The following UBP1 variants were observed in gnomAD, a reference collection of about 807,000 sequenced individuals.
UBP1 encodes upstream-binding protein 1.
Under a neutral mutation model 76.1 loss-of-function variants are expected in UBP1, and 22 were observed. The observed-to-expected ratio is 0.29, with a 90% confidence interval of 0.21 to 0.41. The LOEUF is 0.41. UBP1 is among the 10% of genes least tolerant of loss of function. The probability of loss-of-function intolerance (pLI) is 1.00; values close to 1 mark genes in which losing one functional copy is unlikely to be tolerated. For missense variants in UBP1, 436 were observed against 668.1 expected, an observed-to-expected ratio of 0.65 and a Z score of 3.83; for synonymous variants, 224 against 237.1, an observed-to-expected ratio of 0.94 and a Z score of 0.51.
intron 3 of UBP1, among the ~76,000 whole-genome samples, chr3:33,415,584 C>T (rs1407270924): frequency 6.6e-6 from 1 of 152,082 alleles, no homozygotes; most frequent in Non-Finnish European, 1.5e-5. Flanking sequence ...ATTCTCTTTA[C>T]TTCTGGGTAT....
At chr3:33,429,302 T>C (rs1371560185) in intron 1 of UBP1, among the ~76,000 whole-genome samples, 2 of 152,312 alleles carry the variant, frequency 1.3e-5, no homozygotes, top group African/African-American at 2.4e-5. Flanking sequence ...AACAGACTTT[T>C]GAGTACTAAA....
chr3:33,399,765 C>T (rs1017372649), intron 11 of UBP1, among the ~76,000 whole-genome samples: 8 of 152,124 alleles, frequency 5.3e-5, no homozygotes, highest in East Asian at 1.9e-4. Flanking sequence ...CCATAACATA[C>T]GTTGTGCCAA....
intron 1 of UBP1, among the ~76,000 whole-genome samples, chr3:33,436,494 G>A (rs992018119): frequency 6.6e-6 from 1 of 152,090 alleles, no homozygotes; most frequent in Admixed American, 6.5e-5. Flanking sequence ...ATACCACAGC[G>A]AAGTTTAACA....
chr3:33,434,626 A>C (rs549414063), intron 1 of UBP1, among the ~76,000 whole-genome samples: 1 of 151,602 alleles, frequency 6.6e-6, no homozygotes, highest in South Asian at 2.1e-4. Flanking sequence ...GCTATGGCCT[A>C]AGAGCTAAAT....
At chr3:33,415,108 C>T (rs745676565) in intron 3 of UBP1, among the ~76,000 whole-genome samples, 3 of 152,182 alleles carry the variant, frequency 2.0e-5, no homozygotes, top group Non-Finnish European at 2.9e-5. Flanking sequence ...ACCCTGCCAT[C>T]CCAAGTTAAT....
chr3:33,391,719 A>G (rs2043771864), intron 15 of UBP1: 1 of 152,242 alleles, frequency 6.6e-6, no homozygotes, highest in African/African-American at 2.4e-5. Flanking sequence ...GTAAGATACC[A>G]TCACCTTTCA....
At chr3:33,408,316 T>A (rs957471597) in intron 8 of UBP1, among the ~76,000 whole-genome samples, 1 of 152,050 alleles carries the variant, frequency 6.6e-6, no homozygotes, top group African/African-American at 2.4e-5. Flanking sequence ...ACAAAAATAA[T>A]AGCTAATTTA....
Position 33,408,799 on chromosome 3 carries a change from TG to T in UBP1, c.820-3del. 1 of 1,612,238 alleles carries T rather than the reference TG, an allele frequency of 6.2e-7. No homozygotes were observed. Among genetic ancestry groups the T allele is most frequent in the Non-Finnish European group, 8.5e-7 (1 of 1,178,664 alleles). On this transcript the variant is annotated splice_region_variant and splice_polypyrimidine_tract_variant and intron_variant, in intron 7 of 15. Transcript: ENST00000283629. ...TTCAATTATAGGCTCAAGCCTCATC[TG>T]GACAAACACCAAAGATTGGGATCAA...
intron 1 of UBP1, among the ~76,000 whole-genome samples, chr3:33,434,303 T>TC (rs1553680564): frequency 1.4e-5 from 2 of 142,670 alleles, no homozygotes; most frequent in African/African-American, 5.2e-5. Flanking sequence ...TTTTTTTTTT[T>TC]TTTTTTTTTT....
intron 8 of UBP1, among the ~76,000 whole-genome samples, chr3:33,406,465 A>C (rs2044430876): frequency 6.6e-6 from 1 of 152,196 alleles, no homozygotes; most frequent in Non-Finnish European, 1.5e-5. Context: ...AGCATAACAT[A>C]CATGTATAAA....
chr3:33,411,383 TATC>T (rs1314964282), intron 5 of UBP1, among the ~76,000 whole-genome samples, 195 bp downstream of exon 5: 2 of 152,216 alleles, frequency 1.3e-5, no homozygotes, highest in Non-Finnish European at 2.9e-5. Flanking sequence ...ATGCTTTACA[TATC>T]ATAGAATGTC....
chr3:33,437,711 C>A (rs1187423485), intron 1 of UBP1, among the ~76,000 whole-genome samples: 1 of 152,184 alleles, frequency 6.6e-6, no homozygotes, highest in East Asian at 1.9e-4. Context: ...ACTGAATGCT[C>A]AAGCTGGCCA....
rs141201536 is a variant in UBP1, at chr3:33,392,806, T to C, written c.1534-192A>G. On this transcript the variant is annotated intron_variant, in intron 14 of 15. Transcript: ENST00000283629. Reference sequence around the variant, plus strand: ...GCCTTGTGTTCACTATGCCTGTCCATAATGGTCCCTGAGAGACCTGGTCAG... The same window carrying C: ...GCCTTGTGTTCACTATGCCTGTCCACAATGGTCCCTGAGAGACCTGGTCAG... 12 of 533,858 alleles carry C rather than the reference T, an allele frequency of 2.2e-5. 1 individual carries two copies. Among genetic ancestry groups the C allele is most frequent in the African/African-American group, 1.4e-4 (7 of 51,058 alleles). 33.1% of individuals were successfully genotyped at this position (533,858 alleles called of 1,614,324 possible). A position where few individuals can be genotyped will look rare whatever the true frequency, so the allele number is the denominator to read the frequency against.
chr3:33,393,424 A>G lies in UBP1; in HGVS notation c.1421T>C (p.Ile474Thr). The G allele has an allele frequency of 6.2e-7, 1 of 1,612,040 alleles. No homozygotes were observed. Among genetic ancestry groups the G allele is most frequent in the Non-Finnish European group, 8.5e-7 (1 of 1,179,328 alleles). ...AAGTTTTCGAGCAACTTCTGAGGCA[A>G]TCATTTCTTCCAAGTAGATTGCATG... is the stretch of plus-strand genomic sequence containing the variant. ...VYHAIYLEEMIASEVARKLAL... is the reference protein window; with the variant it reads ...VYHAIYLEEMTASEVARKLAL... Residue 474 changes from isoleucine to threonine, a missense_variant, in exon 14 of 16, where the codon ATT (isoleucine) becomes ACT (threonine). By Grantham distance (89) the Ile-to-Thr change is moderately conservative. Transcript: ENST00000283629.
chr3:33,406,019 A>G (rs2044410292), intron 8 of UBP1, among the ~76,000 whole-genome samples: 1 of 152,218 alleles, frequency 6.6e-6, no homozygotes, highest in Non-Finnish European at 1.5e-5. Flanking sequence ...CAAAAAAGAA[A>G]TCTAATTTAG....
intron 11 of UBP1, among the ~76,000 whole-genome samples, chr3:33,399,834 A>G (rs1450275934): frequency 1.3e-5 from 2 of 151,892 alleles, no homozygotes; most frequent in East Asian, 3.9e-4. Context: ...AGTGAAGAGT[A>G]CACCGAAATA....
chr3:33,390,533 C>CA, intron 15 of UBP1, 165 bp from the exon 16 acceptor site: 1 of 698,704 alleles, frequency 1.4e-6, no homozygotes. Context: ...CCTCTTCCCC[C>CA]AAAAAACTTC....
chr3:33,390,695 A>T lies in UBP1; in HGVS notation c.1586-327T>A, dbSNP rs1165816859. The stretch of plus-strand genomic sequence containing the variant: ...CATAAGGGGAGCAAGAGCTAGAAGG[A>T]GAACAGGTGAAATATACTGTGTCAG... On this transcript the variant is annotated intron_variant, in intron 15 of 15. Coordinates refer to ENST00000283629, the MANE Select transcript of UBP1 (RefSeq NM_014517.5). The T allele has an allele frequency of 9.1e-6, 3 of 328,420 alleles. No homozygotes were observed. In the East Asian group the frequency reaches 1.6e-4, roughly 18 times the overall value. The allele number at this position is 328,420 out of a possible 1,614,324, so 20.3% of individuals were successfully genotyped here.
rs553776122 is a variant in UBP1, at chr3:33,419,838, A to G, written c.266-3004T>C. Among the ~76,000 whole-genome samples the G allele has an allele frequency of 4.6e-5, 7 of 152,352 alleles. No homozygotes were observed. In the South Asian group the frequency reaches 8.3e-4, roughly 18 times the overall value. On this transcript the variant is annotated intron_variant, in intron 2 of 15. Coordinates refer to ENST00000283629, the MANE Select transcript of UBP1 (RefSeq NM_014517.5). Reference sequence around the variant, plus strand: ...CAACAGTCTAGGTTGTAACTGAAATATAAAGAAGGATCCAGTATTAATGAA... The same window carrying G: ...CAACAGTCTAGGTTGTAACTGAAATGTAAAGAAGGATCCAGTATTAATGAA...
Sources: allele counts gnomAD v4.1 joint callset (sites outside exome capture counted in the v4.1 genomes callset), GRCh38; gene constraint gnomAD v4.1.1; transcripts MANE v1.5; gene names NCBI Gene and HGNC (gene_info 2026-07-23, HGNC 2026-07-21).